Variants in SIN3A observed in about 807,000 individuals in gnomAD.
SIN3A encodes the protein SIN3 transcription regulator family member A.
SIN3A carries 14 observed loss-of-function variants against 146.1 expected under a neutral mutation model. The ratio of observed to expected loss-of-function variants is 0.10; its 90% confidence interval spans 0.06 to 0.15. The LOEUF is 0.15. Among genes scored for constraint, SIN3A ranks in the 10% least tolerant of loss-of-function variants. The pLI, the probability that SIN3A is intolerant of heterozygous loss-of-function variation, is 1.00. For missense variants in SIN3A, 1,028 were observed against 1,576.0 expected (o/e 0.65, Z 5.89); for synonymous variants, 572 against 572.0 (o/e 1.00, Z 0.00).
chr15:75,433,726 C>T (rs535003357), intron 1 of SIN3A, among the ~76,000 whole-genome samples: 2 of 152,126 alleles, frequency 1.3e-5, no homozygotes, highest in East Asian at 3.9e-4. Flanking sequence ...AGGAGAATGG[C>T]GTGGACCGGG....
Position 75,400,143 on chromosome 15 carries a change from G to C in SIN3A, c.1751C>G (p.Thr584Ser). 3 of 1,598,630 alleles carry C rather than the reference G, an allele frequency of 1.9e-6. No individual in the cohort carries two copies. The highest frequency in any genetic ancestry group is 2.6e-6 in the Non-Finnish European group (3 of 1,166,216). Residue 584 changes from threonine to serine, a missense_variant, in exon 12 of 21, where the codon ACC becomes AGC. Physicochemically the swap from Thr to Ser is moderately conservative, Grantham distance 58. Coordinates refer to ENST00000394947, the MANE Select transcript of SIN3A (RefSeq NM_001145358.2). ...TPLCKEVLND[T>S]WVSFPSWSED... ...AGACCACGAAGGGAAGGAAACCCAG[G>C]TATCATTTAAAACCTTTGGGTAGAA... is the stretch of plus-strand genomic sequence containing the variant.
intron 9 of SIN3A, among the ~76,000 whole-genome samples, chr15:75,405,878 G>A (rs1010029591): frequency 1.3e-5 from 2 of 152,016 alleles, no homozygotes; most frequent in African/African-American, 4.8e-5. Context: ...CCCTTTTCTT[G>A]ACATTTATTG....
intron 12 of SIN3A, among the ~76,000 whole-genome samples, chr15:75,399,195 G>C (rs754313707): frequency 6.6e-6 from 1 of 151,930 alleles, no homozygotes. Flanking sequence ...ACTGCAGCCT[G>C]GGCAATAGAA....
intron 5 of SIN3A, among the ~76,000 whole-genome samples, chr15:75,412,348 TATTC>T (rs1300273279): frequency 1.3e-5 from 2 of 152,224 alleles, no homozygotes; most frequent in Non-Finnish European, 2.9e-5. Flanking sequence ...TCACTATCAC[TATTC>T]ATTAGATCTT....
rs536076886 is a variant in SIN3A, at chr15:75,426,982, A to G, written c.189+3205T>C. ...GACAGGTTGATATAGATGAGCTTGT[A>G]TATGCATATAAAACTGGATACCCAA... is the stretch of plus-strand genomic sequence containing the variant. On this transcript the variant is annotated intron_variant, in intron 2 of 20. Coordinates refer to ENST00000394947, the MANE Select transcript of SIN3A (RefSeq NM_001145358.2). Among the ~76,000 whole-genome samples, 3 of 152,224 alleles carry G rather than the reference A, an allele frequency of 2.0e-5. No individual in the cohort carries two copies. The South Asian group carries it at 6.2e-4, about 32-fold the overall frequency.
rs1046467131 is a variant in SIN3A at position 75,413,057 on chromosome 15, CAAAA to C, written c.474-16_474-13del. The stretch of plus-strand genomic sequence containing the variant: ...CTGGGGTGTCGATGCTGATAAAAAA[CAAAA>C]AGAAAAGTGATAAACTGTAAGCTTA... On this transcript the variant is annotated splice_polypyrimidine_tract_variant and intron_variant, in intron 4 of 20. Coordinates refer to ENST00000394947, the MANE Select transcript of SIN3A (RefSeq NM_001145358.2). 6.3e-7 allele frequency: 1 copy of C among 1,582,712 alleles called. No individual in the cohort carries two copies. The highest frequency in any genetic ancestry group is 8.5e-7 in the Non-Finnish European group (1 of 1,170,620).
At position 75,370,761 on chromosome 15, in the gene SIN3A, C is replaced by A. The variant is rs927113857; in HGVS notation, c.*1218G>T. The A allele has an allele frequency of 2.6e-5, 4 of 151,978 alleles. No homozygotes were observed. The highest frequency in any genetic ancestry group is 5.9e-5 in the Non-Finnish European group (4 of 67,980). 9.4% of individuals were successfully genotyped at this position (151,978 alleles called of 1,614,324 possible). On this transcript the variant is annotated 3_prime_UTR_variant, in exon 21 of 21. Transcript: ENST00000394947. ...AGATTATTTGAACAAGGGAAAAAAACACGTACTAAAAGACTTAAGTATTCT... is the reference window on the plus strand; with the variant it reads ...AGATTATTTGAACAAGGGAAAAAAAAACGTACTAAAAGACTTAAGTATTCT...
Position 75,371,072 on chromosome 15 carries a change from T to C in SIN3A, c.*907A>G, listed in dbSNP as rs992636732. On this transcript the variant is annotated 3_prime_UTR_variant, in exon 21 of 21. Coordinates refer to ENST00000394947, the MANE Select transcript of SIN3A (RefSeq NM_001145358.2). ...AAGTGTAATAAATGTCTTGTACATC[T>C]GTTCATAGGTACTAAATCTGAAGCC... 1.3e-5 allele frequency: 2 copies of C among 152,642 alleles called. No homozygotes were observed. Among genetic ancestry groups the C allele is most frequent in the African/African-American group, 4.8e-5 (2 of 41,452 alleles). 9.5% of individuals were successfully genotyped at this position (152,642 alleles called of 1,614,324 possible). A position where few individuals can be genotyped will look rare whatever the true frequency, so the allele number is the denominator to read the frequency against.
Position 75,422,839 on chromosome 15 carries a change from T to C in SIN3A, c.190-16A>G, listed in dbSNP as rs771399903. 2 of 1,603,114 alleles carry C rather than the reference T, an allele frequency of 1.2e-6. No homozygotes were observed. Among genetic ancestry groups the C allele is most frequent in the Non-Finnish European group, 1.7e-6 (2 of 1,171,336 alleles). ...TGGCTGAAACCTGGGGTGAACAAAA[T>C]ACAGACAGGAAACTTCAAGGCTTGT... On this transcript the variant is annotated splice_polypyrimidine_tract_variant and intron_variant, in intron 2 of 20. Coordinates refer to ENST00000394947, the MANE Select transcript of SIN3A (RefSeq NM_001145358.2).
At chr15:75,439,746 T>C (rs1415218322) in intron 1 of SIN3A, among the ~76,000 whole-genome samples, 3 of 152,106 alleles carry the variant, frequency 2.0e-5, no homozygotes, top group African/African-American at 7.2e-5. Flanking sequence ...ACTCTTATCT[T>C]TTTTTACGCC....
chr15:75,411,429 T>C, intron 6 of SIN3A, 63 bp downstream of exon 6: 6 of 1,491,658 alleles, frequency 4.0e-6, no homozygotes, highest in Non-Finnish European at 4.6e-6. Context: ...TGGTTACTTG[T>C]TATTGGACTA....
At chr15:75,427,438 C>A (rs1235262156) in intron 2 of SIN3A, among the ~76,000 whole-genome samples, 1 of 152,008 alleles carries the variant, frequency 6.6e-6, no homozygotes, top group Non-Finnish European at 1.5e-5. Context: ...GGAAGGCAGA[C>A]AGGCGGATCA....
intron 3 of SIN3A, 37 bp from the exon 4 acceptor site, chr15:75,414,348 A>G (rs964246984): frequency 8.5e-7 from 1 of 1,178,776 alleles, no homozygotes; most frequent in Non-Finnish European, 1.2e-6. Context: ...ATAAAAAGAA[A>G]GTAAGCTCAT....
intron 9 of SIN3A, among the ~76,000 whole-genome samples, chr15:75,406,581 G>C (rs2141475048): frequency 6.6e-6 from 1 of 152,310 alleles, no homozygotes; most frequent in African/African-American, 2.4e-5. Flanking sequence ...TAGCTACTCG[G>C]GAGGCTGAGG....
Position 75,396,397 on chromosome 15 carries a change from G to A in SIN3A, c.1954C>T (p.Arg652Cys). The A allele has an allele frequency of 1.9e-6, 3 of 1,614,134 alleles. No individual in the cohort carries two copies. Among genetic ancestry groups the A allele is most frequent in the Admixed American group, 1.7e-5 (1 of 60,012 alleles). ...GTGCCCCCAAGGGTGTTGTCCAAGCGAAATTTGGCTTGTTCTTCAGCAGAC... is the reference window on the plus strand; with the variant it reads ...GTGCCCCCAAGGGTGTTGTCCAAGCAAAATTTGGCTTGTTCTTCAGCAGAC... ...RLSAEEQAKF[R>C]LDNTLGGTSE... Residue 652 changes from arginine (R) to cysteine (C), a missense_variant, in exon 13 of 21, where the codon CGC becomes TGC. Physicochemically the swap from Arg to Cys is radical, Grantham distance 180. Around this residue, in one of 9 missense-constraint regions of SIN3A, gnomAD observed 157 missense variants for 284.8 expected, o/e 0.55. Coordinates refer to ENST00000394947, the MANE Select transcript of SIN3A (RefSeq NM_001145358.2).
At chr15:75,380,288 G>T (rs781609523) in intron 19 of SIN3A, among the ~76,000 whole-genome samples, 4 of 152,182 alleles carry the variant, frequency 2.6e-5, no homozygotes, top group Non-Finnish European at 4.4e-5. Flanking sequence ...TTTTCGCTTT[G>T]CTGATTCTGC....
chr15:75,420,592 T>G (rs7173220), intron 3 of SIN3A: 90,415 of 151,960 alleles, frequency 0.59, 28,214 homozygotes, highest in African/African-American at 0.8. Flanking sequence ...TCATCACATT[T>G]GTCAGGCTGG....
At chr15:75,420,526 T>C (rs1005720056) in intron 3 of SIN3A, 3 of 152,134 alleles carry the variant, frequency 2.0e-5, no homozygotes, top group African/African-American at 2.4e-5. Context: ...CTGGGATTAT[T>C]ACAGGCATGC....
upstream of SIN3A, among the ~76,000 whole-genome samples, chr15:75,454,273 A>C (rs1199730163): frequency 1.3e-5 from 2 of 152,214 alleles, no homozygotes; most frequent in African/African-American, 4.8e-5. Context: ...AGTCTCGCCT[A>C]GCCAGTGGAA....
Sources: gnomAD v4.1 joint callset for allele counts (sites outside exome capture counted in the v4.1 genomes callset) on GRCh38, gnomAD v4.1.1 for gene constraint, gnomAD v4.1.1 regional missense constraint, MANE v1.5 for transcripts, NCBI Gene and HGNC (gene_info 2026-07-23, HGNC 2026-07-21) for gene names.